The following CACNA1C variants were observed in gnomAD, a reference collection of about 807,000 sequenced individuals.
CACNA1C encodes the protein voltage-dependent L-type calcium channel subunit alpha-1C.
CACNA1C carries 30 observed loss-of-function variants against 229.0 expected under a neutral mutation model. The ratio of observed to expected loss-of-function variants is 0.13; its 90% CI spans 0.10 to 0.18. CACNA1C has a LOEUF of 0.18. Ranked by LOEUF, CACNA1C falls within the 10% of genes least tolerant of loss-of-function variation. The pLI, the probability that CACNA1C is intolerant of heterozygous loss-of-function variation, is 1.00. For synonymous variants in CACNA1C, 1,114 were observed against 1,132.5 expected, an observed-to-expected ratio of 0.98 and a Z score of 0.33; for missense variants, 1,658 against 2,845.0, an observed-to-expected ratio of 0.58 and a Z score of 9.49.
At chr12:2,478,699 A>G (rs2099644120) in intron 5 of CACNA1C, among the ~76,000 whole-genome samples, 1 of 152,184 alleles carries the variant, frequency 6.6e-6, no homozygotes, top group Non-Finnish European at 1.5e-5. Flanking sequence ...AGATGAGGTC[A>G]ATAGTTGGTA....
intron 32 of CACNA1C, among the ~76,000 whole-genome samples, chr12:2,652,895 C>CCCCCA (rs3062141): frequency 0.61 from 92,139 of 151,752 alleles, 32,409 homozygotes; most frequent in South Asian, 0.79. Context: ...CTCTCCCTGC[C>CCCCCA]CCCCCGACAT....
Position 2,120,692 on chromosome 12 carries a change from G to GTGTGTGTGTGTGTGTT in CACNA1C, c.477+267_477+268insGTGTGTGTGTTTGTGT, listed in dbSNP as rs764879260. ...TGTGTGTGTGTGTGTGTGTGTGTGT[G>GTGTGTGTGTGTGTGTT]TGTGTTTAGTAGCAAATCCCGTGAC... On this transcript the variant is annotated intron_variant, in intron 3 of 46. Transcript: ENST00000399655. 3.4e-3 allele frequency among the ~76,000 whole-genome samples: 514 copies of GTGTGTGTGTGTGTGTT among 150,634 alleles called. 1 individual carries two copies. Among genetic ancestry groups the GTGTGTGTGTGTGTGTT allele is most frequent in the Middle Eastern group, 6.8e-3 (2 of 294 alleles).
chr12:2,347,155 T>G (rs1302412096), intron 3 of CACNA1C, among the ~76,000 whole-genome samples: 1 of 152,190 alleles, frequency 6.6e-6, no homozygotes, highest in Admixed American at 6.5e-5. Flanking sequence ...CAAGGGTATG[T>G]GAGCCTGCCA....
At chr12:2,327,001 C>T (rs1198249705) in intron 3 of CACNA1C, among the ~76,000 whole-genome samples, 1 of 152,180 alleles carries the variant, frequency 6.6e-6, no homozygotes, top group Non-Finnish European at 1.5e-5. Context: ...ATTCTTGCCT[C>T]CTTCTTCCTC....
chr12:2,497,662 C>A (rs2099749491), intron 7 of CACNA1C, among the ~76,000 whole-genome samples: 1 of 152,148 alleles, frequency 6.6e-6, no homozygotes. Flanking sequence ...CTGACACCAC[C>A]CATTGCCCCT....
rs533067864 is a variant in CACNA1C at position 2,473,459 on chromosome 12, A to C, written c.758-12645A>C. Among the ~76,000 whole-genome samples the C allele has an allele frequency of 9.8e-5, 15 of 152,336 alleles. No homozygotes were observed. In the East Asian group the frequency reaches 2.9e-3, roughly 29 times the overall value. On this transcript the variant is annotated intron_variant, in intron 5 of 46. Transcript: ENST00000399655. ...TGTTCTTAATTATAGTATATTAGAT[A>C]ATATAATGTTATATGTTATATTTTA...
Position 2,677,429 on chromosome 12 carries a change from G to C in CACNA1C, c.4956+208G>C, listed in dbSNP as rs1248821413. On this transcript the variant is annotated intron_variant, in intron 40 of 46. Coordinates refer to ENST00000399655, the MANE Select transcript of CACNA1C (RefSeq NM_000719.7). This position sits in a 1 kb window ranked among gnomAD's most constrained non-coding sequence, Gnocchi z 7.4. ...CTGCCACCCACCGACTGCCCTCCAT[G>C]GTTCTGCCTGCTGTCATAGCCCCCA... The C allele has an allele frequency of 1.6e-6, 1 of 624,908 alleles. No homozygotes were observed. Among genetic ancestry groups the C allele is most frequent in the Non-Finnish European group, 2.7e-6 (1 of 363,956 alleles). 38.7% of individuals were successfully genotyped at this position (624,908 alleles called of 1,614,324 possible).
intron 3 of CACNA1C, among the ~76,000 whole-genome samples, chr12:2,427,251 A>G (rs2099041043): frequency 6.6e-6 from 1 of 152,226 alleles, no homozygotes; most frequent in African/African-American, 2.4e-5. Flanking sequence ...CATTGTGTAC[A>G]TGCCAGGGAC....
chr12:2,372,877 G>A (rs892129175), intron 3 of CACNA1C, among the ~76,000 whole-genome samples: 2 of 152,240 alleles, frequency 1.3e-5, no homozygotes, highest in African/African-American at 4.8e-5. Flanking sequence ...GGCCTAAGAG[G>A]CCAGGGGCTC....
At chr12:2,278,282 A>G (rs2089713950) in intron 3 of CACNA1C, among the ~76,000 whole-genome samples, 1 of 152,246 alleles carries the variant, frequency 6.6e-6, no homozygotes, top group African/African-American at 2.4e-5. Context: ...TAATTGGCAT[A>G]TAACAAACTG....
At chr12:2,269,186 T>C (rs2083698273) in intron 3 of CACNA1C, among the ~76,000 whole-genome samples, 1 of 152,212 alleles carries the variant, frequency 6.6e-6, no homozygotes, top group African/African-American at 2.4e-5. Flanking sequence ...GACTTCAATA[T>C]GCAAAAGACA....
chr12:2,572,895 T>TTCTTCCTCCTTCTCCTCCTCC (rs2056808029), intron 13 of CACNA1C, among the ~76,000 whole-genome samples: 1 of 86,752 alleles, frequency 1.2e-5, no homozygotes, highest in Non-Finnish European at 2.5e-5. Flanking sequence ...TCTCCTCCTC[T>TTCTTCCTCCTTCTCCTCCTCC]TCTTCCTCCT....
chr12:2,121,409 A>G (rs764993604), intron 3 of CACNA1C, among the ~76,000 whole-genome samples: 6 of 151,776 alleles, frequency 4.0e-5, no homozygotes, highest in Non-Finnish European at 8.8e-5. Context: ...AACCTTTGAC[A>G]TTTTCTTGGG....
rs2059072833 is a variant in CACNA1C at position 2,065,818 on chromosome 12, G to A, written c.49+12207G>A. Among the ~76,000 whole-genome samples, 3 of 152,184 alleles carry A rather than the reference G, an allele frequency of 2.0e-5. No homozygotes were observed. In the South Asian group the frequency reaches 6.2e-4, roughly 31 times the overall value. On this transcript the variant is annotated intron_variant, in intron 1 of 46. Transcript: ENST00000399655. ...CAGAAAGGGTGGGATGGCCTGTAAT[G>A]TATTCACAGGGATGTGCGTTGGATT...
chr12:2,083,721 C>T (rs545811342), intron 1 of CACNA1C, among the ~76,000 whole-genome samples: 1 of 152,310 alleles, frequency 6.6e-6, no homozygotes, highest in African/African-American at 2.4e-5. Flanking sequence ...AAGTTAATGG[C>T]CCTTGCTCTG....
At chr12:2,089,354 A>G (rs528776146) in intron 1 of CACNA1C, among the ~76,000 whole-genome samples, 1 of 152,308 alleles carries the variant, frequency 6.6e-6, no homozygotes, top group East Asian at 1.9e-4. Context: ...CACACTTTTG[A>G]AATATTAAAT....
At position 2,029,206 on chromosome 12, in the gene CACNA1C, C is replaced by A. The variant is rs954153227; in HGVS notation, c.139+58005C>A. Among the ~76,000 whole-genome samples, 7 of 152,196 alleles carry A rather than the reference C, an allele frequency of 4.6e-5. No homozygotes were observed. In the South Asian group the frequency reaches 1.4e-3, roughly 31 times the overall value. On this transcript the variant is annotated intron_variant, in intron 1 of 46. Transcript: ENST00000682462. This position sits in a 1 kb window ranked among gnomAD's most constrained non-coding sequence, Gnocchi z 4.9. Reference sequence around the variant, plus strand: ...AGACTCCTGACACAGTCCTGGGAACCTGCATTCTATCGGAAAGCCAGTTGT... The same window carrying A: ...AGACTCCTGACACAGTCCTGGGAACATGCATTCTATCGGAAAGCCAGTTGT...
rs573460853 is a variant in CACNA1C at position 2,014,572 on chromosome 12, T to C, written c.139+43371T>C. Among the ~76,000 whole-genome samples the C allele has an allele frequency of 3.3e-3, 498 of 152,254 alleles. 4 individuals carry two copies. Among genetic ancestry groups the C allele is most frequent in the Middle Eastern group, 0.017 (5 of 294 alleles). On this transcript the variant is annotated intron_variant, in intron 1 of 46. Coordinates refer to the CACNA1C transcript ENST00000682462. The stretch of plus-strand genomic sequence containing the variant: ...CGGGGAAAATGGACACATAAGCAGG[T>C]AATCAAAATAAAGTGCGTTGAGTGT...
chr12:2,500,065 T>C (rs2099755676), intron 7 of CACNA1C, among the ~76,000 whole-genome samples: 1 of 152,164 alleles, frequency 6.6e-6, no homozygotes, highest in Non-Finnish European at 1.5e-5. Context: ...CGAGCATTGC[T>C]CACCCAGGCA....
Sources: gnomAD v4.1 joint callset for allele counts (sites outside exome capture counted in the v4.1 genomes callset) on GRCh38, gnomAD v4.1.1 for gene constraint, Gnocchi (gnomAD v3.1) non-coding constraint, MANE v1.5 for transcripts, NCBI Gene and HGNC (gene_info 2026-07-23, HGNC 2026-07-21) for gene names.